Variants in PCBP3 observed in about 807,000 individuals in gnomAD.
The protein encoded by PCBP3 is poly(rC)-binding protein 3.
Under a neutral mutation model 52.7 loss-of-function variants are expected in PCBP3, and 25 were observed. That is an observed-to-expected ratio of 0.47 (90% CI 0.35 to 0.66). PCBP3 has a LOEUF of 0.66. Among genes scored for constraint, PCBP3 ranks in the 30% least tolerant of loss-of-function variants. PCBP3 has a pLI of 0.01. For synonymous variants in PCBP3, 162 were observed against 183.0 expected (o/e 0.89, Z 0.93); for missense variants, 391 against 490.3 (o/e 0.80, Z 1.91).
intron 2 of PCBP3, among the ~76,000 whole-genome samples, chr21:45,697,764 A>C (rs1603280652): frequency 6.6e-6 from 1 of 152,112 alleles, no homozygotes; most frequent in East Asian, 1.9e-4. Flanking sequence ...CAAAAAAAAA[A>C]AAAAAAATTA....
chr21:45,717,294 A>AT (rs2084289717), intron 2 of PCBP3, among the ~76,000 whole-genome samples: 2 of 152,018 alleles, frequency 1.3e-5, no homozygotes, highest in East Asian at 3.9e-4. Context: ...AGATATTTGT[A>AT]TTTTTCCTTT....
chr21:45,720,614 T>G (rs1463181146), intron 2 of PCBP3, among the ~76,000 whole-genome samples: 2 of 152,272 alleles, frequency 1.3e-5, no homozygotes, highest in Admixed American at 6.5e-5. Context: ...ACAAATACAA[T>G]AATTGTAAAA....
intron 4 of PCBP3, among the ~76,000 whole-genome samples, chr21:45,844,797 G>T (rs1246845529): frequency 6.7e-6 from 1 of 150,302 alleles, no homozygotes; most frequent in Non-Finnish European, 1.5e-5. Flanking sequence ...GACTGGGTCT[G>T]AGTTTATATA....
chr21:45,685,500 A>T (rs537427505), intron 2 of PCBP3, among the ~76,000 whole-genome samples: 1 of 152,340 alleles, frequency 6.6e-6, no homozygotes, highest in African/African-American at 2.4e-5. Context: ...CCAGGATAGG[A>T]CTTATCCTTC....
At chr21:45,719,524 C>A (rs2084470287) in intron 2 of PCBP3, among the ~76,000 whole-genome samples, 1 of 152,118 alleles carries the variant, frequency 6.6e-6, no homozygotes, top group African/African-American at 2.4e-5. Flanking sequence ...AAGGGCAGGA[C>A]CAGGTGGAGG....
At chr21:45,661,138 T>A (rs1490530226) in intron 1 of PCBP3, among the ~76,000 whole-genome samples, 1 of 152,206 alleles carries the variant, frequency 6.6e-6, no homozygotes, top group African/African-American at 2.4e-5. Context: ...TACAGTTTTG[T>A]TTTTAATAAT....
intron 4 of PCBP3, among the ~76,000 whole-genome samples, chr21:45,845,646 G>A (rs1185884545): frequency 1.3e-5 from 2 of 150,896 alleles, no homozygotes; most frequent in Non-Finnish European, 3.0e-5. Context: ...GTGTGCACAT[G>A]TGTGAGTGTG....
Position 45,802,349 on chromosome 21 carries a change from A to G in PCBP3, c.-126+46897A>G, listed in dbSNP as rs536151895. Among the ~76,000 whole-genome samples, 1 of 152,154 alleles carries G rather than the reference A, an allele frequency of 6.6e-6. No homozygotes were observed. Among genetic ancestry groups the G allele is most frequent in the East Asian group, 1.9e-4 (1 of 5,164 alleles). ...AAGCGTCCTGTCTTCCATGGTCAGGATGCTCTTTCAAGACAGCCCTGATGG... is the reference window on the plus strand; with the variant it reads ...AAGCGTCCTGTCTTCCATGGTCAGGGTGCTCTTTCAAGACAGCCCTGATGG... On this transcript the variant is annotated intron_variant, in intron 4 of 17. Transcript: ENST00000681687. This position sits in a 1 kb window ranked among gnomAD's most constrained non-coding sequence, Gnocchi z 5.1.
Position 45,663,365 on chromosome 21 carries a change from C to T in PCBP3, c.-278-5509C>T, listed in dbSNP as rs186424404. ...GTGTCCGCGTCTTGGTGGTAGTGGT[C>T]GCCCGGGCCCAGCTGTTTTTTCTTT... On this transcript the variant is annotated intron_variant, in intron 1 of 17. Coordinates refer to ENST00000681687, the MANE Select transcript of PCBP3 (RefSeq NM_001384156.1). Among the ~76,000 whole-genome samples, 347 of 152,118 alleles carry T rather than the reference C, an allele frequency of 2.3e-3. 1 individual carries two copies. Among genetic ancestry groups the T allele is most frequent in the African/African-American group, 7.8e-3 (323 of 41,504 alleles).
chr21:45,750,876 G>GTA (rs111809164), intron 3 of PCBP3: 24,224 of 124,784 alleles, frequency 0.19, 2,032 homozygotes, highest in Middle Eastern at 0.32. Flanking sequence ...ATACATGTAA[G>GTA]TGTGTGTGTG....
rs2092349238 is a variant in PCBP3 at position 45,802,632 on chromosome 21, T to C, written c.-126+47180T>C. On this transcript the variant is annotated intron_variant, in intron 4 of 17. Coordinates refer to ENST00000681687, the MANE Select transcript of PCBP3 (RefSeq NM_001384156.1). The surrounding 1 kb of genome is among the most constrained non-coding windows in gnomAD (Gnocchi z 5.1). ...CCGGGCTGGGGGAGGATGGTGGGGC[T>C]CTAAGCAGGGCAGGAGGTCAGATTG... 1.3e-5 allele frequency among the ~76,000 whole-genome samples: 2 copies of C among 152,004 alleles called. No homozygotes were observed. The highest frequency in any genetic ancestry group is 4.8e-5 in the African/African-American group (2 of 41,398).
chr21:45,743,857 TTAAA>T (rs1255990279), intron 3 of PCBP3, among the ~76,000 whole-genome samples: 2 of 152,164 alleles, frequency 1.3e-5, no homozygotes, highest in African/African-American at 2.4e-5. Context: ...TTTCTATCCT[TTAAA>T]TAACAAATTT....
At chr21:45,877,362 T>C (rs1015468154) in intron 5 of PCBP3, among the ~76,000 whole-genome samples, 1 of 152,252 alleles carries the variant, frequency 6.6e-6, no homozygotes. Context: ...GGCCGCTGTT[T>C]CATTACACAT....
In PCBP3 at chr21:45,930,848, A is replaced by C; in HGVS notation, c.856+3A>C. ...AAATCTGATGGGCCAGTCATCAGGT[A>C]ACACAAAGCCACACTGACAGGAGAA... On this transcript the variant is annotated splice_donor_region_variant and intron_variant, in intron 15 of 17. Coordinates refer to ENST00000681687, the MANE Select transcript of PCBP3 (RefSeq NM_001384156.1). The C allele has an allele frequency of 6.2e-7, 1 of 1,612,306 alleles. No individual in the cohort carries two copies. The highest frequency in any genetic ancestry group is 8.5e-7 in the Non-Finnish European group (1 of 1,179,002).
At chr21:45,797,241 GTGCATGGATGGATGAA>G (rs1256759630) in intron 4 of PCBP3, among the ~76,000 whole-genome samples, 5 of 112,512 alleles carry the variant, frequency 4.4e-5, no homozygotes, top group Non-Finnish European at 9.5e-5. Flanking sequence ...AAGTGAATGT[GTGCATGGATGGATGAA>G]TGCATGGATG....
At chr21:45,890,041 C>A (rs1219087971) in intron 5 of PCBP3, among the ~76,000 whole-genome samples, 2 of 152,246 alleles carry the variant, frequency 1.3e-5, no homozygotes, top group Non-Finnish European at 2.9e-5. Context: ...GTACTTGGCC[C>A]ATGCCAGGGG....
Position 45,886,286 on chromosome 21 carries a change from G to A in PCBP3, c.11-9922G>A, listed in dbSNP as rs1213690764. Among the ~76,000 whole-genome samples, 90 of 49,996 alleles carry A rather than the reference G, an allele frequency of 1.8e-3. 4 individuals carry two copies. Among genetic ancestry groups the A allele is most frequent in the Non-Finnish European group, 2.6e-3 (64 of 24,828 alleles). The allele number at this position is 49,996 out of a possible 152,430, so 32.8% of individuals were successfully genotyped here. ...GGCCTCATTGCCGCGGGTGCCAAGG[G>A]CAGAGGATGTGGTGAGGTGTGGAGG... On this transcript the variant is annotated intron_variant, in intron 5 of 17. Coordinates refer to ENST00000681687, the MANE Select transcript of PCBP3 (RefSeq NM_001384156.1).
intron 9 of PCBP3, chr21:45,901,740 C>CAGAGAGAGAGAGATGAGAGAGAGAG (rs1569474803): frequency 1.0e-4 from 8 of 78,216 alleles, no homozygotes; most frequent in Admixed American, 8.1e-4. Flanking sequence ...GAGAGAGAGA[C>CAGAGAGAGAGAGATGAGAGAGAGAG]AGAAAGAGAG....
chr21:45,668,141 A>G (rs1194110400), intron 1 of PCBP3, among the ~76,000 whole-genome samples: 1 of 152,092 alleles, frequency 6.6e-6, no homozygotes, highest in South Asian at 2.1e-4. Flanking sequence ...AGGGCACTCC[A>G]GTTTCTTTTC....
Sources: allele counts gnomAD v4.1 joint callset (sites outside exome capture counted in the v4.1 genomes callset), GRCh38; gene constraint gnomAD v4.1.1; non-coding constraint Gnocchi (gnomAD v3.1); transcripts MANE v1.5; gene names NCBI Gene and HGNC (gene_info 2026-07-23, HGNC 2026-07-21).